FRMD4A: variants seen among roughly 807,000 people sequenced by gnomAD.
FRMD4A encodes FERM domain containing 4A.
In FRMD4A, 29 loss-of-function variants were observed where a neutral mutation model predicts 129.1. That is an observed-to-expected ratio of 0.22 (90% CI 0.17 to 0.31). FRMD4A has a LOEUF of 0.31. FRMD4A is among the 10% of genes least tolerant of loss of function. The probability of loss-of-function intolerance (pLI) is 1.00; values close to 1 mark genes in which losing one functional copy is unlikely to be tolerated. For synonymous variants in FRMD4A, 634 were observed against 571.6 expected (o/e 1.11, Z -1.56); for missense variants, 1,272 against 1,375.8 (o/e 0.92, Z 1.19).
chr10:14,157,560 T>C (rs891703252), intron 2 of FRMD4A, among the ~76,000 whole-genome samples: 1 of 152,168 alleles, frequency 6.6e-6, no homozygotes, highest in Admixed American at 6.5e-5. Context: ...ACTCGGCAAA[T>C]GTCATCATTG....
intron 3 of FRMD4A, among the ~76,000 whole-genome samples, chr10:13,837,176 A>G (rs2093889949): frequency 6.6e-6 from 1 of 152,208 alleles, no homozygotes; most frequent in Admixed American, 6.5e-5. Flanking sequence ...ATTTTTGGAA[A>G]TACTGGCTCC....
intron 2 of FRMD4A, among the ~76,000 whole-genome samples, chr10:14,168,603 T>C (rs1162968428): frequency 6.6e-6 from 1 of 152,236 alleles, no homozygotes; most frequent in Non-Finnish European, 1.5e-5. Context: ...TTCATGGCAA[T>C]GACAATTTAT....
intron 2 of FRMD4A, among the ~76,000 whole-genome samples, chr10:14,248,802 ACCTCAGTAAG>A (rs1353527782): frequency 1.3e-5 from 2 of 152,160 alleles, no homozygotes; most frequent in Admixed American, 1.3e-4. Context: ...CTGTCAGAAA[ACCTCAGTAAG>A]CACTCCAAAC....
Position 14,085,477 on chromosome 10 carries a change from C to T in FRMD4A, c.46-226565G>A, listed in dbSNP as rs181576196. 3.3e-3 allele frequency among the ~76,000 whole-genome samples: 508 copies of T among 152,298 alleles called. 8 individuals carry two copies. Among genetic ancestry groups the T allele is most frequent in the Non-Finnish European group, 6.2e-4 (42 of 68,026 alleles). ...CAGCTTTGGTACTGTCACTCCACAG[C>T]CCCTGGATGAGGCTCTGACACTTTG... On this transcript the variant is annotated intron_variant, in intron 2 of 24. Coordinates refer to ENST00000357447, the MANE Select transcript of FRMD4A (RefSeq NM_018027.5).
intron 2 of FRMD4A, among the ~76,000 whole-genome samples, chr10:14,306,169 T>G (rs1397889750): frequency 6.6e-6 from 1 of 152,226 alleles, no homozygotes; most frequent in Non-Finnish European, 1.5e-5. Flanking sequence ...TGGGGAAATC[T>G]TTTTTAAAAA....
chr10:13,744,221 A>T (rs1484519817), intron 9 of FRMD4A, among the ~76,000 whole-genome samples: 1 of 152,078 alleles, frequency 6.6e-6, no homozygotes, highest in Admixed American at 6.6e-5. Flanking sequence ...TTGAGGCGAT[A>T]GGGGTGGTCA....
chr10:13,725,098 T>A (rs2089792064), intron 12 of FRMD4A, among the ~76,000 whole-genome samples: 1 of 152,250 alleles, frequency 6.6e-6, no homozygotes, highest in Non-Finnish European at 1.5e-5. Flanking sequence ...TAAAATGAGC[T>A]TGCTTTATTT....
At chr10:14,174,387 G>T (rs1301154606) in intron 2 of FRMD4A, among the ~76,000 whole-genome samples, 1 of 152,076 alleles carries the variant, frequency 6.6e-6, no homozygotes, top group African/African-American at 2.4e-5. Context: ...CTTAGGTAAC[G>T]CATTTGAACC....
intron 2 of FRMD4A, among the ~76,000 whole-genome samples, chr10:14,283,327 C>A (rs1011112677): frequency 6.6e-6 from 1 of 152,140 alleles, no homozygotes; most frequent in Non-Finnish European, 1.5e-5. Flanking sequence ...TAAGTAGCAG[C>A]GTTCAACTTG....
intron 2 of FRMD4A, among the ~76,000 whole-genome samples, chr10:14,224,139 A>G (rs1589192403): frequency 6.6e-6 from 1 of 152,334 alleles, no homozygotes; most frequent in East Asian, 1.9e-4. Flanking sequence ...TCCTCTTTCA[A>G]ATCCGTGCCT....
intron 2 of FRMD4A, among the ~76,000 whole-genome samples, chr10:13,913,896 G>A (rs183056346): frequency 1.3e-5 from 2 of 152,328 alleles, no homozygotes; most frequent in East Asian, 3.9e-4. Flanking sequence ...GCGGATATGA[G>A]CTGTAGCTCA....
At chr10:14,039,230 G>A (rs918172561) in intron 2 of FRMD4A, among the ~76,000 whole-genome samples, 5 of 152,072 alleles carry the variant, frequency 3.3e-5, no homozygotes, top group South Asian at 2.1e-4. Flanking sequence ...TAATTGTATC[G>A]TTATTTAATT....
intron 2 of FRMD4A, among the ~76,000 whole-genome samples, chr10:14,132,236 C>G (rs1447939708): frequency 6.6e-6 from 1 of 151,966 alleles, no homozygotes; most frequent in Non-Finnish European, 1.5e-5. Context: ...TGCAGTGAGC[C>G]GAGATCATGC....
chr10:13,960,416 G>A (rs2131358063), intron 2 of FRMD4A, among the ~76,000 whole-genome samples: 1 of 152,320 alleles, frequency 6.6e-6, no homozygotes, highest in East Asian at 1.9e-4. Context: ...TGATTTTGTA[G>A]CCAGGGAGTA....
chr10:14,185,606 G>A (rs146956745), intron 2 of FRMD4A, among the ~76,000 whole-genome samples: 75 of 141,084 alleles, frequency 5.3e-4, no homozygotes, highest in South Asian at 8.8e-4. Context: ...CAGGTAGAGA[G>A]ACAGAAAGGG....
intron 2 of FRMD4A, among the ~76,000 whole-genome samples, chr10:14,293,083 T>C (rs990897044): frequency 6.6e-6 from 1 of 152,140 alleles, no homozygotes; most frequent in Non-Finnish European, 1.5e-5. Context: ...GTGCAAAAGG[T>C]ATTGCTATGG....
intron 12 of FRMD4A, among the ~76,000 whole-genome samples, chr10:13,722,505 C>T (rs1235936910): frequency 6.6e-6 from 1 of 151,982 alleles, no homozygotes; most frequent in Non-Finnish European, 1.5e-5. Flanking sequence ...CTCAATCTCC[C>T]AAACTGTTGA....
chr10:14,052,206 C>A (rs1057439104), intron 2 of FRMD4A, among the ~76,000 whole-genome samples: 3 of 152,216 alleles, frequency 2.0e-5, no homozygotes, highest in Middle Eastern at 3.4e-3. Flanking sequence ...GGAACTAACC[C>A]TGAGGAGACC....
intron 2 of FRMD4A, among the ~76,000 whole-genome samples, chr10:14,060,920 T>C (rs926743360): frequency 6.6e-6 from 1 of 152,114 alleles, no homozygotes; most frequent in African/African-American, 2.4e-5. Flanking sequence ...ATGAGTAATG[T>C]TAATAGACTG....
Sources: allele counts gnomAD v4.1 joint callset (sites outside exome capture counted in the v4.1 genomes callset), GRCh38; gene constraint gnomAD v4.1.1; transcripts MANE v1.5; gene names NCBI Gene and HGNC (gene_info 2026-07-23, HGNC 2026-07-21).